The following CTDSP1 variants were observed in gnomAD, a reference collection of about 807,000 sequenced individuals.
CTDSP1 encodes the protein carboxy-terminal domain RNA polymerase II polypeptide A small phosphatase 1.
In CTDSP1, 15 loss-of-function variants were observed where a neutral mutation model predicts 32.5. That is an observed-to-expected ratio of 0.46 (90% CI 0.31 to 0.71). CTDSP1 has a LOEUF of 0.71. Ranked by LOEUF, CTDSP1 falls within the 30% of genes least tolerant of loss-of-function variation. The probability of loss-of-function intolerance (pLI) is 0.05; values close to 1 mark genes in which losing one functional copy is unlikely to be tolerated. For synonymous variants in CTDSP1, 185 were observed against 145.4 expected, an observed-to-expected ratio of 1.27 and a Z score of -1.96; for missense variants, 294 against 351.1, an observed-to-expected ratio of 0.84 and a Z score of 1.30.
In CTDSP1 at chr2:218,399,985, C is replaced by G. The variant is rs1334687754; in HGVS notation, c.-106C>G. On this transcript the variant is annotated 5_prime_UTR_variant, in exon 1 of 7. Transcript: ENST00000273062. ...CCCTCCGGAGCTCGCGGGGATCCCT[C>G]CCTCCCACCCCTCCCCTCCCCCCCG... The G allele has an allele frequency of 2.6e-6, 2 of 775,172 alleles. No individual in the cohort carries two copies. Among genetic ancestry groups the G allele is most frequent in the Non-Finnish European group, 3.3e-6 (2 of 600,866 alleles). 48.0% of individuals were successfully genotyped at this position (775,172 alleles called of 1,614,324 possible).
chr2:218,401,154 G>A (rs1314333041), intron 1 of CTDSP1: 2 of 362,670 alleles, frequency 5.5e-6, no homozygotes, highest in African/African-American at 4.3e-5. Context: ...GAGGATGGAG[G>A]GAGGGCAGGG....
intron 1 of CTDSP1, 196 bp downstream of exon 1, chr2:218,400,353 C>A: frequency 1.4e-6 from 1 of 692,888 alleles, no homozygotes; most frequent in South Asian, 1.5e-5. Flanking sequence ...GGGCCTGGCG[C>A]CTTTGGGGCG....
upstream of CTDSP1, chr2:218,399,625 C>T (rs1559133626): frequency 2.9e-6 from 2 of 701,150 alleles, no homozygotes; most frequent in Non-Finnish European, 3.5e-6. Flanking sequence ...CGCTCGGCGG[C>T]CTGGAACGGT....
chr2:218,396,413 C>T (rs947000563), upstream of CTDSP1: 5 of 152,438 alleles, frequency 3.3e-5, no homozygotes, highest in African/African-American at 4.8e-5. Context: ...GAGAGGCCAA[C>T]AGGCCTTTCC....
chr2:218,400,914 C>G (rs1386206369), intron 1 of CTDSP1: 1 of 447,176 alleles, frequency 2.2e-6, no homozygotes, highest in Admixed American at 2.4e-5. Flanking sequence ...CCACCCTCGC[C>G]TGGGTCTGGC....
At chr2:218,402,301 T>G in intron 3 of CTDSP1, 48 bp from the exon 4 acceptor site, 1 of 1,612,760 alleles carries the variant, frequency 6.2e-7, no homozygotes, top group East Asian at 2.2e-5. Flanking sequence ...CTGGACCCCA[T>G]GCCCTGGGGC....
upstream of CTDSP1, chr2:218,399,036 C>A (rs1696962908): frequency 6.6e-6 from 1 of 152,244 alleles, no homozygotes; most frequent in African/African-American, 2.4e-5. Context: ...TCCAGTGACT[C>A]CCACCGCACC....
At chr2:218,399,764 G>A (rs1349185162), upstream of CTDSP1, 50 of 1,042,126 alleles carry the variant, frequency 4.8e-5, no homozygotes, top group Non-Finnish European at 5.7e-5. Flanking sequence ...CCGCCTAGCC[G>A]CGCCGGTCCC....
chr2:218,398,285 C>CA (rs1491213954), upstream of CTDSP1: 259 of 851,566 alleles, frequency 3.0e-4, 3 homozygotes, highest in South Asian at 2.1e-3. Context: ...TCTTGAAACT[C>CA]AGTTTCCTCA....
intron 6 of CTDSP1, 162 bp downstream of exon 6, chr2:218,403,579 A>C (rs1574800983): frequency 1.6e-6 from 1 of 619,066 alleles, no homozygotes; most frequent in Non-Finnish European, 2.8e-6. Flanking sequence ...CCCCTCATCC[A>C]CCTGCCCTGT....
intron 5 of CTDSP1, 28 bp from the exon 6 acceptor site, chr2:218,403,204 C>T (rs1697245126): frequency 1.2e-6 from 2 of 1,610,944 alleles, no homozygotes; most frequent in African/African-American, 2.7e-5. Flanking sequence ...ACCTGCGGGC[C>T]CCAGGATGAC....
rs1021281848 is a variant in CTDSP1, at chr2:218,399,932, C to T, written c.-159C>T. ...AGTTTCCTCCGCGCCCCCTCCCTCC[C>T]CCTCCCCCCTAGAACCTGGCTCCCC... On this transcript the variant is annotated 5_prime_UTR_variant, in exon 1 of 7. Transcript: ENST00000273062. The T allele has an allele frequency of 3.3e-5, 37 of 1,132,502 alleles. No individual in the cohort carries two copies. Among genetic ancestry groups the T allele is most frequent in the Admixed American group, 3.0e-4 (6 of 19,900 alleles). The allele number at this position is 1,132,502 out of a possible 1,614,324, so 70.2% of individuals were successfully genotyped here.
At chr2:218,401,253 C>T in intron 1 of CTDSP1, 2 of 456,100 alleles carry the variant, frequency 4.4e-6, no homozygotes, top group South Asian at 4.2e-5. Flanking sequence ...TGGGGCTGAT[C>T]AGCAGCAGTC....
rs868227078 is a variant in CTDSP1 at position 218,400,225 on chromosome 2, C to T, written c.67+68C>T. The stretch of plus-strand genomic sequence containing the variant: ...GGAGGAGAGAAGGGGCCGGGATCTT[C>T]CCCAGGGGAGCCGCCGCCGCCGCCC... On this transcript the variant is annotated intron_variant, in intron 1 of 6. Transcript: ENST00000273062. 123 of 1,423,168 alleles carry T rather than the reference C, an allele frequency of 8.6e-5. 1 individual carries two copies. In the Middle Eastern group the frequency reaches 1.2e-3, roughly 13 times the overall value. The allele number at this position is 1,423,168 out of a possible 1,614,324, so 88.2% of individuals were successfully genotyped here.
intron 1 of CTDSP1, chr2:218,401,186 G>C: frequency 2.7e-6 from 1 of 368,242 alleles, no homozygotes; most frequent in South Asian, 2.1e-5. Flanking sequence ...TGGGTCCCAG[G>C]CCCTGGCTGT....
chr2:218,402,323 C>T (rs1697186622), intron 3 of CTDSP1, 26 bp from the exon 4 acceptor site: 1 of 1,613,804 alleles, frequency 6.2e-7, no homozygotes, highest in African/African-American at 1.3e-5. Flanking sequence ...CCTCCTCCAA[C>T]TCCAGCAGCT....
At chr2:218,404,267 C>A in intron 6 of CTDSP1, 30 bp from the exon 7 acceptor site, 1 of 1,609,630 alleles carries the variant, frequency 6.2e-7, no homozygotes, top group Non-Finnish European at 8.5e-7. Context: ...ACCACCTGCC[C>A]CCCTCATCTT....
chr2:218,398,344 T>G (rs1387403749), upstream of CTDSP1: 5 of 1,409,230 alleles, frequency 3.5e-6, no homozygotes, highest in Middle Eastern at 1.7e-4. Flanking sequence ...TAAATGAGAT[T>G]AGGGGGCGCA....
At chr2:218,400,722 T>C in intron 1 of CTDSP1, 1 of 455,784 alleles carries the variant, frequency 2.2e-6, no homozygotes. Context: ...CGGCCGGCAC[T>C]TCCAAGAGTC....
Sources: allele counts gnomAD v4.1 joint callset, GRCh38; gene constraint gnomAD v4.1.1; transcripts MANE v1.5; gene names NCBI Gene and HGNC (gene_info 2026-07-23, HGNC 2026-07-21).